BLK: variants seen among roughly 807,000 people sequenced by gnomAD.
BLK encodes the protein BLK proto-oncogene, Src family tyrosine kinase, also known as tyrosine-protein kinase Blk.
In BLK, 64 loss-of-function variants were observed where a neutral mutation model predicts 61.8. That is an observed-to-expected ratio of 1.03 (90% CI 0.85 to 1.27). The LOEUF is 1.27. BLK is among the 50% of genes most tolerant of loss of function. BLK has a pLI of 0.00. For synonymous variants in BLK, 351 were observed against 272.0 expected (o/e 1.29, Z -2.86); for missense variants, 853 against 660.5 (o/e 1.29, Z -3.19).
chr8:11,532,462 T>C (rs2618436), intron 1 of BLK, among the ~76,000 whole-genome samples: 150,400 of 151,118 alleles, frequency 1, 74,845 homozygotes, highest in East Asian at 1. Flanking sequence ...CCTCCTGCCT[T>C]GGCCTCCTAA....
At chr8:11,563,233 G>C in intron 12 of BLK, 123 bp downstream of exon 12, 12 of 1,407,484 alleles carry the variant, frequency 8.5e-6, no homozygotes, top group Non-Finnish European at 1.2e-5. Context: ...GAGCGAAGAC[G>C]GAGACCCAGG....
In BLK at chr8:11,542,946, T is replaced by G. The variant is rs2245260; in HGVS notation, c.-1-278T>G. 1 allele frequency among the ~76,000 whole-genome samples: 151,551 copies of G among 152,270 alleles called. 75,420 individuals carry two copies. Among genetic ancestry groups the G allele is most frequent in the South Asian group, 1 (4,810 of 4,810 alleles). On this transcript the variant is annotated intron_variant, in intron 1 of 12. Transcript: ENST00000259089. ...CTCAGGCTCCTGTCACCTGAGGACC[T>G]GGATCCACCCCAGTGGTTTCCAGCG... is the stretch of plus-strand genomic sequence containing the variant.
At chr8:11,539,524 A>T (rs1283372219) in intron 1 of BLK, among the ~76,000 whole-genome samples, 1 of 152,200 alleles carries the variant, frequency 6.6e-6, no homozygotes, top group African/African-American at 2.4e-5. Context: ...CTATATAATG[A>T]TGTTTTATTA....
At position 11,552,999 on chromosome 8, in the gene BLK, CAT is replaced by C. The variant is rs544749589; in HGVS notation, c.473-1743_473-1742del. ...ACACATACACATGCAAACACATACA[CAT>C]GTCCACGCATGCACATATACACACA... On this transcript the variant is annotated intron_variant, in intron 6 of 12. Transcript: ENST00000259089. 542 of 157,314 alleles carry C rather than the reference CAT, an allele frequency of 3.4e-3. 2 individuals are homozygous for C. The highest frequency in any genetic ancestry group is 0.013 in the African/African-American group (533 of 41,706). 9.7% of individuals were successfully genotyped at this position (157,314 alleles called of 1,614,324 possible).
At chr8:11,503,622 G>A (rs1460846291) in intron 1 of BLK, among the ~76,000 whole-genome samples, 1 of 152,198 alleles carries the variant, frequency 6.6e-6, no homozygotes, top group Non-Finnish European at 1.5e-5. Flanking sequence ...GGATCTGTGT[G>A]CTGTCTGAAG....
intron 1 of BLK, among the ~76,000 whole-genome samples, chr8:11,504,977 C>T (rs1374266545): frequency 2.6e-5 from 4 of 152,240 alleles, no homozygotes; most frequent in Middle Eastern, 3.4e-3. Flanking sequence ...CACATACATG[C>T]ACACAGACAC....
chr8:11,563,825 C>T (rs1801600997), intron 12 of BLK, 78 bp from the exon 13 acceptor site: 2 of 1,405,838 alleles, frequency 1.4e-6, no homozygotes, highest in East Asian at 2.5e-5. Context: ...GCCCACTGTG[C>T]CCCGCGGGAC....
At chr8:11,536,080 T>C (rs1164190348) in intron 1 of BLK, among the ~76,000 whole-genome samples, 4 of 152,200 alleles carry the variant, frequency 2.6e-5, no homozygotes, top group East Asian at 3.8e-4. Flanking sequence ...ATTGTTAAAA[T>C]GTGATTATGA....
intron 1 of BLK, among the ~76,000 whole-genome samples, chr8:11,529,669 C>A (rs1478465206): frequency 1.3e-5 from 2 of 151,922 alleles, no homozygotes; most frequent in Admixed American, 6.5e-5. Flanking sequence ...AAGGAGGGTT[C>A]TTCTGGAATG....
intron 1 of BLK, among the ~76,000 whole-genome samples, chr8:11,508,297 G>C (rs898614308): frequency 1.3e-5 from 2 of 152,156 alleles, no homozygotes; most frequent in African/African-American, 2.4e-5. Context: ...CACAGCTACT[G>C]GGGGTAGATC....
chr8:11,519,725 G>C (rs1306692932), intron 1 of BLK, among the ~76,000 whole-genome samples: 1 of 152,140 alleles, frequency 6.6e-6, no homozygotes, highest in African/African-American at 2.4e-5. Flanking sequence ...AACAGATCAA[G>C]GAAGCTGACA....
At chr8:11,533,452 G>A (rs189994326) in intron 1 of BLK, among the ~76,000 whole-genome samples, 6 of 152,234 alleles carry the variant, frequency 3.9e-5, no homozygotes, top group Admixed American at 3.3e-4. Context: ...CCTTTTAAGA[G>A]AGGTTCAAGT....
Position 11,564,252 on chromosome 8 carries a change from G to A in BLK, c.*144G>A, listed in dbSNP as rs1801625663. 1 of 1,006,158 alleles carries A rather than the reference G, an allele frequency of 9.9e-7. No individual in the cohort carries two copies. Among genetic ancestry groups the A allele is most frequent in the Non-Finnish European group, 1.5e-6 (1 of 667,272 alleles). The allele number at this position is 1,006,158 out of a possible 1,614,324, so 62.3% of individuals were successfully genotyped here. Reference sequence around the variant, plus strand: ...TCCAGTGGGCAGAGGCAGCTTCGCAGGGGGTCCCCGGACGGACTCCTTCAC... The same window carrying A: ...TCCAGTGGGCAGAGGCAGCTTCGCAAGGGGTCCCCGGACGGACTCCTTCAC... On this transcript the variant is annotated 3_prime_UTR_variant, in exon 13 of 13. Coordinates refer to ENST00000259089, the MANE Select transcript of BLK (RefSeq NM_001715.3).
intron 10 of BLK, 198 bp from the exon 11 acceptor site, chr8:11,561,104 C>T: frequency 1.3e-6 from 1 of 763,878 alleles, no homozygotes; most frequent in South Asian, 1.5e-5. Flanking sequence ...CTCTGATGCC[C>T]ACGTTGCTGC....
rs777958175 is a variant in BLK at position 11,549,060 on chromosome 8, A to G, written c.306A>G (p.Thr102=). The G allele has an allele frequency of 6.2e-7, 1 of 1,611,640 alleles. No homozygotes were observed. Among genetic ancestry groups the G allele is most frequent in the Non-Finnish European group, 8.5e-7 (1 of 1,179,166 alleles). ...GDWWLARSLV[T]GREGYVPSNF... is the part of the protein sequence containing the mutation. ...GGTGGCTGGCCAGGTCACTCGTCAC[A>G]GGAAGAGAAGGCTATGTGCCCAGTA... The change falls in exon 5 of 13, where the codon ACA becomes ACG. Residue 102 remains threonine (T), a synonymous_variant. Coordinates refer to ENST00000259089, the MANE Select transcript of BLK (RefSeq NM_001715.3).
chr8:11,539,146 A>G (rs1224136176), intron 1 of BLK, among the ~76,000 whole-genome samples: 3 of 152,010 alleles, frequency 2.0e-5, no homozygotes. Context: ...AACAATAACC[A>G]CAGTAAACAA....
chr8:11,519,538 G>C (rs1418926569), intron 1 of BLK, among the ~76,000 whole-genome samples: 2 of 152,188 alleles, frequency 1.3e-5, no homozygotes, highest in African/African-American at 4.8e-5. Flanking sequence ...TTATGGTACA[G>C]TATTAAGTAA....
intron 1 of BLK, among the ~76,000 whole-genome samples, chr8:11,535,834 A>T (rs1800112566): frequency 6.6e-6 from 1 of 152,316 alleles, no homozygotes; most frequent in Non-Finnish European, 1.5e-5. Context: ...TACAGAGGTA[A>T]CTCTATGTGT....
chr8:11,543,956 T>C (rs1158751835), intron 2 of BLK, among the ~76,000 whole-genome samples: 1 of 143,742 alleles, frequency 7.0e-6, no homozygotes, highest in African/African-American at 2.5e-5. Flanking sequence ...ACAGCATGTC[T>C]GAAGATGCAT....
Sources: allele counts gnomAD v4.1 joint callset (sites outside exome capture counted in the v4.1 genomes callset), GRCh38; gene constraint gnomAD v4.1.1; transcripts MANE v1.5; gene names NCBI Gene and HGNC (gene_info 2026-07-23, HGNC 2026-07-21).